The following FOXP1 variants were observed in gnomAD, a reference collection of about 807,000 sequenced individuals.
FOXP1 encodes the protein forkhead box protein P1.
In FOXP1, 15 loss-of-function variants were observed where a neutral mutation model predicts 98.2. That is an observed-to-expected ratio of 0.15 (90% CI 0.10 to 0.24). FOXP1 has a LOEUF of 0.24. Ranked by LOEUF, FOXP1 falls within the 10% of genes least tolerant of loss-of-function variation. The pLI is 1.00. For synonymous variants in FOXP1, 371 were observed against 314.5 expected (o/e 1.18, Z -1.90); for missense variants, 633 against 848.5 (o/e 0.75, Z 3.15).
At chr3:71,563,474 C>G (rs1204888419) in intron 2 of FOXP1, among the ~76,000 whole-genome samples, 1 of 152,182 alleles carries the variant, frequency 6.6e-6, no homozygotes, top group East Asian at 1.9e-4. Context: ...ACTGTGGGTT[C>G]TCTCTAAATC....
intron 3 of FOXP1, among the ~76,000 whole-genome samples, chr3:71,486,809 T>TC (rs2090686045): frequency 6.6e-6 from 1 of 152,174 alleles, no homozygotes; most frequent in Admixed American, 6.5e-5. Context: ...CAGAATATTT[T>TC]CAAAAACAAC....
intron 5 of FOXP1, among the ~76,000 whole-genome samples, chr3:71,294,723 G>T (rs1353109929): frequency 1.3e-5 from 2 of 152,112 alleles, no homozygotes; most frequent in Non-Finnish European, 1.5e-5. Flanking sequence ...ATTCTCCCCA[G>T]GCTCCTGGCC....
At chr3:70,961,858 C>A (rs912261377) in intron 20 of FOXP1, among the ~76,000 whole-genome samples, 1 of 152,018 alleles carries the variant, frequency 6.6e-6, no homozygotes, top group South Asian at 2.1e-4. Flanking sequence ...CCCAGGAGTT[C>A]GAGTCCAGCC....
chr3:71,002,781 A>T (rs2042279774), intron 12 of FOXP1, among the ~76,000 whole-genome samples: 1 of 152,158 alleles, frequency 6.6e-6, no homozygotes, highest in Non-Finnish European at 1.5e-5. Flanking sequence ...GGTTCAAGAG[A>T]TCCCAAGAGA....
At chr3:71,283,024 T>A (rs1486604843) in intron 5 of FOXP1, among the ~76,000 whole-genome samples, 1 of 152,200 alleles carries the variant, frequency 6.6e-6, no homozygotes, top group Admixed American at 6.5e-5. Context: ...AGTTTCTAAG[T>A]GCACTCTCAG....
chr3:71,050,690 A>G (rs1301220342), intron 9 of FOXP1, among the ~76,000 whole-genome samples: 2 of 152,176 alleles, frequency 1.3e-5, no homozygotes, highest in African/African-American at 2.4e-5. Flanking sequence ...GTTTTTACCA[A>G]TTCTGTTGAT....
intron 4 of FOXP1, among the ~76,000 whole-genome samples, chr3:71,322,064 G>T (rs1287793198): frequency 6.6e-6 from 1 of 152,176 alleles, no homozygotes; most frequent in Non-Finnish European, 1.5e-5. Context: ...ATTTTTATTT[G>T]TATATGTGTA....
Position 70,958,121 on chromosome 3 carries a change from CTTTT to C in FOXP1, c.*1122_*1125del, listed in dbSNP as rs199626546. ...ATATTGTCAGTCTAATTAATATGAGCTTTTTTTTTTTTTTCAGTGCTGCCTATGT... is the reference window on the plus strand; with the variant it reads ...ATATTGTCAGTCTAATTAATATGAGCTTTTTTTTTTCAGTGCTGCCTATGT... On this transcript the variant is annotated 3_prime_UTR_variant, in exon 21 of 21. Transcript: ENST00000649528. 25 of 268,712 alleles carry C rather than the reference CTTTT, an allele frequency of 9.3e-5. No homozygotes were observed. The highest frequency in any genetic ancestry group is 1.3e-4 in the Non-Finnish European group (19 of 143,160). The allele number at this position is 268,712 out of a possible 1,614,324, so 16.6% of individuals were successfully genotyped here.
intron 5 of FOXP1, among the ~76,000 whole-genome samples, chr3:71,224,231 C>T (rs1225164921): frequency 6.6e-6 from 1 of 152,108 alleles, no homozygotes; most frequent in Non-Finnish European, 1.5e-5. Context: ...TTGATGAGCC[C>T]ATGAGGGATT....
At chr3:71,470,830 A>G (rs2089271918) in intron 3 of FOXP1, among the ~76,000 whole-genome samples, 1 of 152,258 alleles carries the variant, frequency 6.6e-6, no homozygotes, top group African/African-American at 2.4e-5. Flanking sequence ...TCAACTATTC[A>G]GTGTATCAAC....
intron 18 of FOXP1, 41 bp from the exon 19 acceptor site, chr3:70,970,846 C>G (rs772462920): frequency 3.4e-6 from 5 of 1,472,362 alleles, no homozygotes; most frequent in Non-Finnish European, 4.8e-6. Flanking sequence ...TAAACACAGT[C>G]GACTGCTGAG....
intron 7 of FOXP1, among the ~76,000 whole-genome samples, chr3:71,084,243 T>G (rs558550838): frequency 6.6e-6 from 1 of 152,214 alleles, no homozygotes; most frequent in South Asian, 2.1e-4. Context: ...TTCAAGACAT[T>G]TTCACCCTCT....
chr3:71,035,203 T>G (rs370742622), intron 11 of FOXP1, among the ~76,000 whole-genome samples: 3 of 152,226 alleles, frequency 2.0e-5, no homozygotes, highest in African/African-American at 7.2e-5. Context: ...GTAGCAAGAC[T>G]CCAGGGTATG....
At chr3:71,424,968 G>C (rs541374094) in intron 3 of FOXP1, among the ~76,000 whole-genome samples, 2 of 152,200 alleles carry the variant, frequency 1.3e-5, no homozygotes, top group Non-Finnish European at 2.9e-5. Context: ...GTGTATGGCA[G>C]TTGCCATACT....
Position 71,542,083 on chromosome 3 carries a change from T to A in FOXP1, c.-298+39466A>T, listed in dbSNP as rs372871085. 2.7e-5 allele frequency: 14 copies of A among 521,602 alleles called. No individual in the cohort carries two copies. The East Asian group carries it at 7.1e-4, about 26-fold the overall frequency. The allele number at this position is 521,602 out of a possible 1,614,324, so 32.3% of individuals were successfully genotyped here. On this transcript the variant is annotated intron_variant, in intron 2 of 20. Coordinates refer to ENST00000649528, the MANE Select transcript of FOXP1 (RefSeq NM_001349338.3). ...AGAAAACATTAAACTGGCTTATATATCAAAATCATGAGGTTTAAGCAGAAA... is the reference window on the plus strand; with the variant it reads ...AGAAAACATTAAACTGGCTTATATAACAAAATCATGAGGTTTAAGCAGAAA...
chr3:71,227,465 C>G (rs1409446701), intron 5 of FOXP1, among the ~76,000 whole-genome samples: 1 of 152,178 alleles, frequency 6.6e-6, no homozygotes, highest in South Asian at 2.1e-4. Context: ...CCAGCTTAGT[C>G]TAGAGCTTAT....
In FOXP1 at chr3:70,956,935, A is replaced by G. The variant is rs886058839; in HGVS notation, c.*2312T>C. 1 of 216,394 alleles carries G rather than the reference A, an allele frequency of 4.6e-6. No homozygotes were observed. Among genetic ancestry groups the G allele is most frequent in the African/African-American group, 2.2e-5 (1 of 44,522 alleles). 13.4% of individuals were successfully genotyped at this position (216,394 alleles called of 1,614,324 possible). Reference sequence around the variant, plus strand: ...CAAAGCCTAATCGGAAAAAAAGGAAAAATTAAAAATAAAAACAAACTGAAG... The same window carrying G: ...CAAAGCCTAATCGGAAAAAAAGGAAGAATTAAAAATAAAAACAAACTGAAG... On this transcript the variant is annotated 3_prime_UTR_variant, in exon 21 of 21. Coordinates refer to ENST00000649528, the MANE Select transcript of FOXP1 (RefSeq NM_001349338.3).
At chr3:70,974,164 C>CTG (rs1160830317) in intron 17 of FOXP1, among the ~76,000 whole-genome samples, 5 of 152,056 alleles carry the variant, frequency 3.3e-5, no homozygotes, top group African/African-American at 1.2e-4. Context: ...TGAAAGGACA[C>CTG]TCCTGATTCA....
chr3:71,568,148 C>A (rs917450484), intron 2 of FOXP1, among the ~76,000 whole-genome samples: 1 of 151,858 alleles, frequency 6.6e-6, no homozygotes, highest in African/African-American at 2.4e-5. Context: ...GAGCAGGATT[C>A]GCCTCCCTCA....
Sources: allele counts gnomAD v4.1 joint callset (sites outside exome capture counted in the v4.1 genomes callset), GRCh38; gene constraint gnomAD v4.1.1; transcripts MANE v1.5; gene names NCBI Gene and HGNC (gene_info 2026-07-23, HGNC 2026-07-21).